The following SCIMP variants were observed in gnomAD, a reference collection of about 807,000 sequenced individuals.
SCIMP encodes the protein SLP adaptor and CSK interacting membrane protein, also known as SLP adapter and CSK-interacting membrane protein.
A neutral mutation model predicts 22.0 loss-of-function variants in SCIMP; 18 were observed. The ratio of observed to expected loss-of-function variants is 0.82; its 90% CI spans 0.56 to 1.21. The LOEUF is 1.21. SCIMP is among the 50% of genes most tolerant of loss of function. The pLI is 0.00. For missense variants in SCIMP, 155 were observed against 171.2 expected, an observed-to-expected ratio of 0.91 and a Z score of 0.53; for synonymous variants, 53 against 62.2, an observed-to-expected ratio of 0.85 and a Z score of 0.70.
Position 5,209,606 on chromosome 17 carries a change from G to C in SCIMP, c.*1195C>G, listed in dbSNP as rs1412872748. The C allele has an allele frequency of 6.6e-6, 1 of 152,214 alleles. No individual in the cohort carries two copies. 9.4% of individuals were successfully genotyped at this position (152,214 alleles called of 1,614,324 possible). ...TCTCTGCAAGGCTGTTCATTTGCCA[G>C]ATTTCCCAGAGGTCACTTAGAAACC... On this transcript the variant is annotated 3_prime_UTR_variant, in exon 5 of 5. Coordinates refer to ENST00000574081, the MANE Select transcript of SCIMP (RefSeq NM_207103.3).
Position 5,217,502 on chromosome 17 carries a change from G to A in SCIMP, c.210-2504C>T, listed in dbSNP as rs1263894545. 2.0e-5 allele frequency among the ~76,000 whole-genome samples: 3 copies of A among 151,560 alleles called. No individual in the cohort carries two copies. The East Asian group carries it at 5.8e-4, about 29-fold the overall frequency. ...GTGTATACGTGTGCCATGTTGATGTGCTGCACCCATTAACTCGTCATTTAG... is the reference window on the plus strand; with the variant it reads ...GTGTATACGTGTGCCATGTTGATGTACTGCACCCATTAACTCGTCATTTAG... On this transcript the variant is annotated intron_variant, in intron 3 of 4. Coordinates refer to ENST00000574081, the MANE Select transcript of SCIMP (RefSeq NM_207103.3).
intron 1 of SCIMP, 186 bp from the exon 2 acceptor site, chr17:5,223,642 C>T (rs189344605): frequency 5.0e-5 from 27 of 539,802 alleles, no homozygotes; most frequent in Middle Eastern, 5.3e-4. Flanking sequence ...CTCCACCTCC[C>T]GGGTTCAAGT....
intron 3 of SCIMP, 113 bp from the exon 4 acceptor site, chr17:5,215,111 T>G: frequency 1.4e-6 from 1 of 725,504 alleles, no homozygotes. Flanking sequence ...CAAATCTTGG[T>G]CTCTACTAAT....
intron 1 of SCIMP, among the ~76,000 whole-genome samples, chr17:5,228,276 G>T (rs1240064959): frequency 1.3e-5 from 2 of 151,622 alleles, no homozygotes; most frequent in African/African-American, 4.9e-5. Flanking sequence ...AGCCCAGGAA[G>T]TTGAGGCTGT....
rs372773477 is a variant in SCIMP, at chr17:5,228,128, C to T, written c.22-4672G>A. On this transcript the variant is annotated intron_variant, in intron 1 of 4. Coordinates refer to ENST00000574081, the MANE Select transcript of SCIMP (RefSeq NM_207103.3). ...CGGAGGTTGTGGTGAGCCGAGATCA[C>T]GCCACTGCACTCCAGCCTGGGCAAC... is the stretch of plus-strand genomic sequence containing the variant. 2.4e-4 allele frequency among the ~76,000 whole-genome samples: 36 copies of T among 152,032 alleles called. No individual in the cohort carries two copies. The South Asian group carries it at 4.6e-3, about 19-fold the overall frequency.
intron 1 of SCIMP, among the ~76,000 whole-genome samples, chr17:5,226,515 T>A (rs904136841): frequency 1.3e-5 from 2 of 150,648 alleles, no homozygotes; most frequent in African/African-American, 4.9e-5. Flanking sequence ...TTTCTTTTTT[T>A]TTTTTTTGAG....
chr17:5,227,682 C>T (rs1187571304), intron 1 of SCIMP, among the ~76,000 whole-genome samples: 5 of 152,216 alleles, frequency 3.3e-5, no homozygotes, highest in Middle Eastern at 3.4e-3. Context: ...GGGAGGGGTC[C>T]GGCTTGAGCA....
chr17:5,226,207 C>G (rs899959214), intron 1 of SCIMP, among the ~76,000 whole-genome samples: 8 of 152,236 alleles, frequency 5.3e-5, no homozygotes, highest in South Asian at 2.1e-4. Flanking sequence ...TGTTGCTTTT[C>G]GTTATAAACT....
At chr17:5,220,185 G>A (rs1347304987) in intron 3 of SCIMP, among the ~76,000 whole-genome samples, 5 of 152,124 alleles carry the variant, frequency 3.3e-5, no homozygotes, top group African/African-American at 1.2e-4. Flanking sequence ...CTTCAGCGCA[G>A]TAGCTTTTGG....
intron 3 of SCIMP, chr17:5,215,251 A>G: frequency 2.4e-6 from 1 of 413,972 alleles, no homozygotes; most frequent in Non-Finnish European, 4.4e-6. Flanking sequence ...AATTCAGAGC[A>G]TGGAGCACAC....
At chr17:5,223,259 G>A in intron 2 of SCIMP, 74 bp downstream of exon 2, 1 of 1,514,230 alleles carries the variant, frequency 6.6e-7, no homozygotes, top group South Asian at 1.2e-5. Flanking sequence ...TGATTTGCTT[G>A]CCCTAAAGGA....
At chr17:5,231,134 C>A (rs2074690814) in intron 1 of SCIMP, among the ~76,000 whole-genome samples, 1 of 151,986 alleles carries the variant, frequency 6.6e-6, no homozygotes, top group African/African-American at 2.4e-5. Flanking sequence ...CCAAGGTAGG[C>A]AGATCACCTG....
chr17:5,214,154 A>G (rs560021866), intron 4 of SCIMP: 1 of 152,404 alleles, frequency 6.6e-6, no homozygotes, highest in South Asian at 2.1e-4. Context: ...AAATCGGCCA[A>G]CACCCTCATC....
chr17:5,216,527 G>A (rs908297080), intron 3 of SCIMP, among the ~76,000 whole-genome samples: 3 of 152,046 alleles, frequency 2.0e-5, no homozygotes, highest in African/African-American at 4.8e-5. Context: ...TTAGCCAGGT[G>A]TGGTGGCGCA....
At chr17:5,215,791 T>C (rs1381131115) in intron 3 of SCIMP, among the ~76,000 whole-genome samples, 1 of 152,190 alleles carries the variant, frequency 6.6e-6, no homozygotes, top group Non-Finnish European at 1.5e-5. Context: ...CAGCTCTGAA[T>C]TGGACACGAC....
chr17:5,213,156 TCTGTTTATGTTCCAAG>T, intron 4 of SCIMP: 1 of 985,264 alleles, frequency 1.0e-6, no homozygotes, highest in South Asian at 4.7e-5. Context: ...CATGTTTCTT[TCTGTTTATGTTCCAAG>T]CTGGGATTTG....
intron 1 of SCIMP, among the ~76,000 whole-genome samples, chr17:5,226,508 CT>C (rs36033614): frequency 4.4e-3 from 146 of 33,034 alleles, no homozygotes; most frequent in Middle Eastern, 0.043. Flanking sequence ...TTCTTTCTTT[CT>C]TTTTTTTTTT....
intron 3 of SCIMP, among the ~76,000 whole-genome samples, chr17:5,215,911 T>A (rs867221597): frequency 6.6e-6 from 1 of 151,990 alleles, no homozygotes; most frequent in Non-Finnish European, 1.5e-5. Flanking sequence ...GTAAAGTGAC[T>A]GGGCAAGGTG....
chr17:5,226,776 T>C, intron 1 of SCIMP, among the ~76,000 whole-genome samples: 1 of 152,138 alleles, frequency 6.6e-6, no homozygotes, highest in Non-Finnish European at 1.5e-5. Context: ...CCCAAAGTGC[T>C]GGGATTACAG....
Sources: allele counts gnomAD v4.1 joint callset (sites outside exome capture counted in the v4.1 genomes callset), GRCh38; gene constraint gnomAD v4.1.1; transcripts MANE v1.5; gene names NCBI Gene and HGNC (gene_info 2026-07-23, HGNC 2026-07-21).